Variants in ANAPC5 observed in about 807,000 individuals in gnomAD.
The protein encoded by ANAPC5 is anaphase promoting complex subunit 5, also known as anaphase-promoting complex subunit 5.
A neutral mutation model predicts 91.3 loss-of-function variants in ANAPC5; 60 were observed. That is an observed-to-expected ratio of 0.66 (90% CI 0.53 to 0.81). The LOEUF is 0.81. Ranked by LOEUF, ANAPC5 falls within the 40% of genes least tolerant of loss-of-function variation. The pLI is 0.00. For synonymous variants in ANAPC5, 340 were observed against 364.1 expected (o/e 0.93, Z 0.75); for missense variants, 690 against 931.5 (o/e 0.74, Z 3.37).
chr12:121,339,443 A>T (rs1356179674), intron 5 of ANAPC5, among the ~76,000 whole-genome samples: 1 of 151,984 alleles, frequency 6.6e-6, no homozygotes, highest in Admixed American at 6.6e-5. Flanking sequence ...GAGCCCAAGA[A>T]CACCTTTGTT....
intron 1 of ANAPC5, 55 bp from the exon 2 acceptor site, chr12:121,347,936 A>G: frequency 1.7e-6 from 2 of 1,197,410 alleles, no homozygotes; most frequent in Non-Finnish European, 2.5e-6. Context: ...AGACTGATAA[A>G]GAATTGCAAA....
chr12:121,347,211 A>G, intron 2 of ANAPC5: 2 of 511,866 alleles, frequency 3.9e-6, no homozygotes, highest in Non-Finnish European at 6.9e-6. Flanking sequence ...TGATCATAAA[A>G]TTTGTCAAAC....
At chr12:121,335,409 AC>A (rs1903191159) in intron 7 of ANAPC5, 123 bp downstream of exon 7, 7 of 1,081,246 alleles carry the variant, frequency 6.5e-6, no homozygotes, top group Non-Finnish European at 9.1e-6. Context: ...CACGTGATCC[AC>A]CCGCCTTGGC....
At chr12:121,323,777 C>T (rs754213641) in intron 11 of ANAPC5, among the ~76,000 whole-genome samples, 1 of 152,182 alleles carries the variant, frequency 6.6e-6, no homozygotes, top group African/African-American at 2.4e-5. Flanking sequence ...CATAGAATTA[C>T]AATAAAAGAT....
At chr12:121,351,492 C>T (rs1267272120) in intron 1 of ANAPC5, among the ~76,000 whole-genome samples, 4 of 151,518 alleles carry the variant, frequency 2.6e-5, no homozygotes, top group African/African-American at 9.7e-5. Flanking sequence ...GAGTCTTGCA[C>T]TGTCGCCCAA....
intron 3 of ANAPC5, 60 bp from the exon 4 acceptor site, chr12:121,346,091 G>A: frequency 7.3e-7 from 1 of 1,361,242 alleles, no homozygotes; most frequent in Non-Finnish European, 1.0e-6. Flanking sequence ...CTACGCAATG[G>A]CAACTCCACA....
chr12:121,352,321 C>A lies in ANAPC5; in HGVS notation c.20G>T (p.Ser7Ile). MASVHE[S>I]LYFNPMMTNG... ...GGTCATCATGGGATTGAAGTAGAGG[C>A]TCTCGTGGACGCTGGCCATGGCGGC... Residue 7 changes from serine (S) to isoleucine (I), a missense_variant, in exon 1 of 17, where the codon AGC (serine) becomes ATC (isoleucine). Ser to Ile is a moderately radical substitution (Grantham distance 142, BLOSUM62 -2). Coordinates refer to ENST00000261819, the MANE Select transcript of ANAPC5 (RefSeq NM_016237.5). The A allele has an allele frequency of 6.2e-7, 1 of 1,606,216 alleles. No individual in the cohort carries two copies. Among genetic ancestry groups the A allele is most frequent in the Non-Finnish European group, 8.5e-7 (1 of 1,173,776 alleles).
intron 1 of ANAPC5, among the ~76,000 whole-genome samples, chr12:121,349,582 A>T (rs782328672): frequency 1.3e-4 from 20 of 152,044 alleles, no homozygotes; most frequent in Admixed American, 6.5e-4. Context: ...AATTAAAAAA[A>T]AAATAAATTT....
intron 5 of ANAPC5, among the ~76,000 whole-genome samples, chr12:121,341,488 A>G (rs2136808729): frequency 6.6e-6 from 1 of 152,340 alleles, no homozygotes; most frequent in East Asian, 1.9e-4. Context: ...CTCTGTCTCA[A>G]AAACAACAAA....
rs1259383557 is a variant in ANAPC5 at position 121,339,054 on chromosome 12, C to CT, written c.658-1663dup. Among the ~76,000 whole-genome samples, 958 of 128,798 alleles carry CT rather than the reference C, an allele frequency of 7.4e-3. 6 individuals are homozygous for CT. The highest frequency in any genetic ancestry group is 8.6e-3 in the African/African-American group (296 of 34,504). The allele number at this position is 128,798 out of a possible 152,430, so 84.5% of individuals were successfully genotyped here. A position where few individuals can be genotyped will look rare whatever the true frequency, so the allele number is the denominator to read the frequency against. ...TCATCATCAAATATGACTTTTTTTTCTTTTTTTTTTTTTTTTTTGAGACAG... is the reference window on the plus strand; with the variant it reads ...TCATCATCAAATATGACTTTTTTTTCTTTTTTTTTTTTTTTTTTTGAGACAG... On this transcript the variant is annotated intron_variant, in intron 5 of 16. Coordinates refer to ENST00000261819, the MANE Select transcript of ANAPC5 (RefSeq NM_016237.5).
At chr12:121,312,069 G>A (rs943548614) in intron 15 of ANAPC5, among the ~76,000 whole-genome samples, 2 of 152,070 alleles carry the variant, frequency 1.3e-5, no homozygotes, top group Admixed American at 6.6e-5. Context: ...CTGTGTTTGG[G>A]CCACAAAATA....
At chr12:121,330,548 T>A (rs1555272771) in intron 9 of ANAPC5, 35 bp downstream of exon 9, 1 of 1,578,130 alleles carries the variant, frequency 6.3e-7, no homozygotes, top group Non-Finnish European at 8.7e-7. Flanking sequence ...GCTCGACCAT[T>A]TATGGAAACA....
At chr12:121,353,572 C>T (rs898612989), upstream of ANAPC5, among the ~76,000 whole-genome samples, 2 of 152,090 alleles carry the variant, frequency 1.3e-5, no homozygotes, top group Non-Finnish European at 2.9e-5. Flanking sequence ...TACCGAGTAG[C>T]TGGGACTACA....
upstream of ANAPC5, among the ~76,000 whole-genome samples, chr12:121,352,718 T>TTGTTGTTGGTGGTGGTGATGGTGG (rs71079056): frequency 9.8e-6 from 1 of 102,348 alleles, no homozygotes; most frequent in Non-Finnish European, 2.3e-5. Flanking sequence ...GTTGTTGTTG[T>TTGTTGTTGGTGGTGGTGATGGTGG]TGGTGGTGGT....
At chr12:121,329,354 A>G (rs369406067) in intron 9 of ANAPC5, among the ~76,000 whole-genome samples, 4 of 152,212 alleles carry the variant, frequency 2.6e-5, no homozygotes, top group African/African-American at 9.6e-5. Flanking sequence ...AGCTTTTACC[A>G]TAACGGTCAG....
intron 12 of ANAPC5, 123 bp from the exon 13 acceptor site, chr12:121,319,941 G>A: frequency 2.0e-6 from 2 of 1,009,674 alleles, no homozygotes; most frequent in Non-Finnish European, 2.7e-6. Flanking sequence ...TTCTTTTTTG[G>A]GGGGATTTAA....
At chr12:121,310,864 G>A (rs989584867) in intron 15 of ANAPC5, among the ~76,000 whole-genome samples, 1 of 143,358 alleles carries the variant, frequency 7.0e-6, no homozygotes, top group Admixed American at 7.2e-5. Flanking sequence ...AACCCAGGAG[G>A]TAATGGATGC....
At chr12:121,338,571 A>G (rs1213284842) in intron 5 of ANAPC5, among the ~76,000 whole-genome samples, 2 of 152,194 alleles carry the variant, frequency 1.3e-5, no homozygotes, top group African/African-American at 2.4e-5. Flanking sequence ...CCTGGGTGAC[A>G]GGGCAAGACT....
chr12:121,309,876 C>T lies in ANAPC5; in HGVS notation c.1894-13G>A. ...TTCCAAGAATGAGCTGAAAAAGAAACATCATGGCACTGTACATACCCAAAC... is the reference window on the plus strand; with the variant it reads ...TTCCAAGAATGAGCTGAAAAAGAAATATCATGGCACTGTACATACCCAAAC... On this transcript the variant is annotated splice_polypyrimidine_tract_variant and intron_variant, in intron 15 of 16. Coordinates refer to ENST00000261819, the MANE Select transcript of ANAPC5 (RefSeq NM_016237.5). 3 of 1,611,282 alleles carry T rather than the reference C, an allele frequency of 1.9e-6. No homozygotes were observed. Among genetic ancestry groups the T allele is most frequent in the Non-Finnish European group, 2.5e-6 (3 of 1,178,686 alleles).
Sources: gnomAD v4.1 joint callset for allele counts (sites outside exome capture counted in the v4.1 genomes callset) on GRCh38, gnomAD v4.1.1 for gene constraint, MANE v1.5 for transcripts, NCBI Gene and HGNC (gene_info 2026-07-23, HGNC 2026-07-21) for gene names.